Variants in SRRM4 observed in about 807,000 individuals in gnomAD.
SRRM4 encodes serine/arginine repetitive matrix protein 4.
SRRM4 carries 33 observed loss-of-function variants against 68.9 expected under a neutral mutation model. The observed-to-expected ratio is 0.48, with a 90% CI of 0.36 to 0.64. The LOEUF is 0.64. SRRM4 is among the 30% of genes least tolerant of loss of function. The probability of loss-of-function intolerance (pLI) is 0.00; values close to 1 mark genes in which losing one functional copy is unlikely to be tolerated. For synonymous variants in SRRM4, 318 were observed against 318.8 expected, an observed-to-expected ratio of 1.00 and a Z score of 0.03; for missense variants, 817 against 827.1, an observed-to-expected ratio of 0.99 and a Z score of 0.15.
At chr12:119,124,623 C>G (rs1954245546) in intron 6 of SRRM4, among the ~76,000 whole-genome samples, 1 of 152,162 alleles carries the variant, frequency 6.6e-6, no homozygotes, top group Non-Finnish European at 1.5e-5. Context: ...CTGAAGTAAC[C>G]TGCAGTAACA....
intron 1 of SRRM4, among the ~76,000 whole-genome samples, chr12:119,065,971 A>T (rs1953843371): frequency 6.6e-6 from 1 of 152,184 alleles, no homozygotes; most frequent in Admixed American, 6.5e-5. Context: ...GTGATTTAGC[A>T]GCCATGAAAA....
At chr12:119,140,829 A>G (rs1954360722) in intron 8 of SRRM4, among the ~76,000 whole-genome samples, 1 of 152,228 alleles carries the variant, frequency 6.6e-6, no homozygotes, top group Non-Finnish European at 1.5e-5. Context: ...GGGGAATGAG[A>G]GAAAGAACAG....
At chr12:119,067,748 G>A (rs1047138766) in intron 1 of SRRM4, among the ~76,000 whole-genome samples, 3 of 152,008 alleles carry the variant, frequency 2.0e-5, no homozygotes, top group Non-Finnish European at 4.4e-5. Context: ...AAAAATAAGA[G>A]GTCAACAAGC....
rs558491338 is a variant in SRRM4, at chr12:119,102,224, C to G, written c.132-12C>G. The G allele has an allele frequency of 1.2e-6, 2 of 1,602,366 alleles. No individual in the cohort carries two copies. The highest frequency in any genetic ancestry group is 2.7e-5 in the African/African-American group (2 of 74,402). ...TTCTAACACTTTTGTGTCCTTATTT[C>G]TTCTTCTGTAGGACAGAGCCCCAGA... On this transcript the variant is annotated splice_polypyrimidine_tract_variant and intron_variant, in intron 1 of 12. Coordinates refer to ENST00000267260, the MANE Select transcript of SRRM4 (RefSeq NM_194286.4).
At chr12:119,138,292 T>C (rs1183133444) in intron 8 of SRRM4, among the ~76,000 whole-genome samples, 1 of 152,176 alleles carries the variant, frequency 6.6e-6, no homozygotes, top group Non-Finnish European at 1.5e-5. Context: ...AACGAAAGCA[T>C]GTCTGAAACA....
intron 8 of SRRM4, among the ~76,000 whole-genome samples, chr12:119,134,133 G>A (rs547021767): frequency 8.5e-5 from 13 of 152,258 alleles, no homozygotes; most frequent in African/African-American, 2.6e-4. Flanking sequence ...TATTTCACAT[G>A]CACAGCTTTT....
chr12:119,071,926 G>A (rs1953880374), intron 1 of SRRM4, among the ~76,000 whole-genome samples: 1 of 152,196 alleles, frequency 6.6e-6, no homozygotes, highest in Admixed American at 6.5e-5. Context: ...CCATGCCCAT[G>A]AATTATTTGA....
At chr12:119,040,844 G>A (rs1953663737) in intron 1 of SRRM4, among the ~76,000 whole-genome samples, 1 of 152,046 alleles carries the variant, frequency 6.6e-6, no homozygotes, top group South Asian at 2.1e-4. Flanking sequence ...TTTCCTCCCA[G>A]GTTCAAGCAA....
rs763171958 is a variant in SRRM4, at chr12:118,981,982, G to T, written c.100G>T (p.Ala34Ser). ...CCCCCGTCCCGAGAGCATCATTGTCGCCAGTATCACGGCCCGCAAGCCGCT... is the reference window on the plus strand; with the variant it reads ...CCCCCGTCCCGAGAGCATCATTGTCTCCAGTATCACGGCCCGCAAGCCGCT... ...ATPRPESIIVASITARKPLPR... is the reference protein window; with the variant it reads ...ATPRPESIIVSSITARKPLPR... Residue 34 changes from alanine to serine, a missense_variant, in exon 1 of 13, where the codon GCC (alanine) becomes TCC (serine). Ala to Ser is a moderately conservative substitution (Grantham distance 99, BLOSUM62 1). Coordinates refer to ENST00000267260, the MANE Select transcript of SRRM4 (RefSeq NM_194286.4). 1 of 1,611,002 alleles carries T rather than the reference G, an allele frequency of 6.2e-7. No individual in the cohort carries two copies. Among genetic ancestry groups the T allele is most frequent in the Non-Finnish European group, 8.5e-7 (1 of 1,178,842 alleles).
chr12:119,095,133 A>C (rs932703308), intron 1 of SRRM4, among the ~76,000 whole-genome samples: 5 of 152,184 alleles, frequency 3.3e-5, no homozygotes, highest in African/African-American at 1.2e-4. Flanking sequence ...GGCTTAATGA[A>C]CTGGATTCAC....
chr12:119,102,401 G>A lies in SRRM4; in HGVS notation c.278+19G>A, dbSNP rs116273476. ...GACACAGGTGAGATCCAATGAGGACGTTCAAGTTGAAGATACAGAAATAAA... is the reference window on the plus strand; with the variant it reads ...GACACAGGTGAGATCCAATGAGGACATTCAAGTTGAAGATACAGAAATAAA... On this transcript the variant is annotated intron_variant, in intron 2 of 12. Transcript: ENST00000267260. 1.0e-3 allele frequency: 1,612 copies of A among 1,588,038 alleles called. 15 individuals are homozygous for A. In the African/African-American group the frequency reaches 0.019, roughly 18 times the overall value.
intron 1 of SRRM4, among the ~76,000 whole-genome samples, chr12:119,013,798 A>G (rs182826605): frequency 6.6e-6 from 1 of 152,296 alleles, no homozygotes; most frequent in Admixed American, 6.5e-5. Flanking sequence ...TACTGTAAAC[A>G]TTTTGGTACA....
intron 1 of SRRM4, among the ~76,000 whole-genome samples, chr12:119,067,181 A>G (rs568216485): frequency 2.0e-4 from 30 of 150,756 alleles, no homozygotes; most frequent in Admixed American, 1.5e-3. Flanking sequence ...TGCACTTTGT[A>G]TATCTCCATC....
intron 2 of SRRM4, among the ~76,000 whole-genome samples, chr12:119,103,829 C>A (rs1954091157): frequency 6.6e-6 from 1 of 152,192 alleles, no homozygotes; most frequent in East Asian, 1.9e-4. Flanking sequence ...ATGGTGAAAC[C>A]CTTGTCTCTG....
intron 1 of SRRM4, among the ~76,000 whole-genome samples, chr12:119,079,840 G>A (rs950522135): frequency 6.6e-6 from 1 of 151,766 alleles, no homozygotes; most frequent in African/African-American, 2.4e-5. Context: ...TTCATTAGAA[G>A]CCTCTCATTT....
chr12:119,120,199 C>CT lies in SRRM4; in HGVS notation c.438-43dup. On this transcript the variant is annotated intron_variant, in intron 4 of 12. Transcript: ENST00000267260. Reference sequence around the variant, plus strand: ...TCTCTCTCTCCCTCTCTTTCTCTGCCTTTTTTTTCTTTGATTCTTCTTTTC... The same window carrying CT: ...TCTCTCTCTCCCTCTCTTTCTCTGCCTTTTTTTTTCTTTGATTCTTCTTTTC... The CT allele has an allele frequency of 3.0e-5, 41 of 1,361,798 alleles. No individual in the cohort carries two copies. In the Middle Eastern group the frequency reaches 5.4e-4, roughly 18 times the overall value. The allele number at this position is 1,361,798 out of a possible 1,614,324, so 84.4% of individuals were successfully genotyped here. A position where few individuals can be genotyped will look rare whatever the true frequency, so the allele number is the denominator to read the frequency against.
intron 4 of SRRM4, among the ~76,000 whole-genome samples, chr12:119,117,596 G>GCACACA (rs71451816): frequency 8.8e-4 from 132 of 150,358 alleles, no homozygotes; most frequent in African/African-American, 1.8e-3. Flanking sequence ...TGTTCACTGT[G>GCACACA]CACACACACA....
At chr12:119,014,383 G>A (rs1176516798) in intron 1 of SRRM4, among the ~76,000 whole-genome samples, 1 of 152,034 alleles carries the variant, frequency 6.6e-6, no homozygotes, top group Non-Finnish European at 1.5e-5. Flanking sequence ...CTCCTTCCCC[G>A]ATCCCCACCC....
intron 1 of SRRM4, among the ~76,000 whole-genome samples, chr12:118,991,551 G>T (rs1953317001): frequency 6.6e-6 from 1 of 152,220 alleles, no homozygotes; most frequent in African/African-American, 2.4e-5. Context: ...GTGACTATGA[G>T]CTCCTTGTTG....
Sources: gnomAD v4.1 joint callset for allele counts (sites outside exome capture counted in the v4.1 genomes callset) on GRCh38, gnomAD v4.1.1 for gene constraint, MANE v1.5 for transcripts, NCBI Gene and HGNC (gene_info 2026-07-23, HGNC 2026-07-21) for gene names.